Variants in NRXN3 observed in about 807,000 individuals in gnomAD.
NRXN3 encodes the protein neurexin 3, also known as neurexin III.
NRXN3 carries 32 observed loss-of-function variants against 137.6 expected under a neutral mutation model. That is an observed-to-expected ratio of 0.23 (90% CI 0.18 to 0.31). The LOEUF (loss-of-function observed/expected upper bound fraction) is 0.31, where lower values mean the gene tolerates loss of function less well. Ranked by LOEUF, NRXN3 falls within the 10% of genes least tolerant of loss-of-function variation. The pLI, the probability that NRXN3 is intolerant of heterozygous loss-of-function variation, is 1.00. For synonymous variants in NRXN3, 798 were observed against 784.5 expected, an observed-to-expected ratio of 1.02 and a Z score of -0.29; for missense variants, 1,574 against 2,062.5, an observed-to-expected ratio of 0.76 and a Z score of 4.59.
chr14:79,498,717 C>A (rs563627913), intron 16 of NRXN3, among the ~76,000 whole-genome samples: 1 of 152,356 alleles, frequency 6.6e-6, no homozygotes, highest in South Asian at 2.1e-4. Flanking sequence ...TACTCGAAGC[C>A]ACTCGAGTCA....
Position 78,855,607 on chromosome 14 carries a change from A to T in NRXN3, c.2275+45263A>T, listed in dbSNP as rs550486208. Among the ~76,000 whole-genome samples, 7 of 152,336 alleles carry T rather than the reference A, an allele frequency of 4.6e-5. No individual in the cohort carries two copies. The South Asian group carries it at 1.5e-3, about 32-fold the overall frequency. ...AAAAGGAATGATTTTAGCACAAAAA[A>T]AACTAAACCTGTTTTCTATCAAATT... On this transcript the variant is annotated intron_variant, in intron 10 of 20. Transcript: ENST00000335750.
chr14:78,582,128 C>T (rs149977217), intron 4 of NRXN3, among the ~76,000 whole-genome samples: 5 of 152,328 alleles, frequency 3.3e-5, no homozygotes, highest in African/African-American at 1.2e-4. Context: ...TGGGTGAGCT[C>T]ATGGTTTCCT....
At chr14:79,021,857 A>G (rs2099590234) in intron 15 of NRXN3, among the ~76,000 whole-genome samples, 1 of 152,204 alleles carries the variant, frequency 6.6e-6, no homozygotes, top group Non-Finnish European at 1.5e-5. Flanking sequence ...TGGTGGTGAC[A>G]TCATCTGCCA....
intron 8 of NRXN3, among the ~76,000 whole-genome samples, chr14:78,791,126 C>T (rs2098803891): frequency 6.6e-6 from 1 of 152,066 alleles, no homozygotes; most frequent in Admixed American, 6.6e-5. Context: ...TTTTACTTTT[C>T]TTTTTGATTA....
At chr14:78,954,687 G>A (rs1279455303) in intron 10 of NRXN3, among the ~76,000 whole-genome samples, 1 of 151,444 alleles carries the variant, frequency 6.6e-6, no homozygotes, top group Non-Finnish European at 1.5e-5. Context: ...GGATAGTCTC[G>A]ATCTCCTGAC....
intron 15 of NRXN3, among the ~76,000 whole-genome samples, chr14:79,307,834 T>C (rs2086370645): frequency 6.6e-6 from 1 of 152,022 alleles, no homozygotes; most frequent in South Asian, 2.1e-4. Flanking sequence ...CCTGGCAGTC[T>C]TCTTTTGGTC....
intron 17 of NRXN3, among the ~76,000 whole-genome samples, chr14:79,676,423 T>G (rs1213006662): frequency 1.3e-5 from 2 of 152,038 alleles, no homozygotes; most frequent in Non-Finnish European, 2.9e-5. Flanking sequence ...TTTTGCTTTT[T>G]GGATTCCAAA....
At chr14:79,675,319 GATCTT>G (rs1281944225) in intron 17 of NRXN3, among the ~76,000 whole-genome samples, 1 of 152,004 alleles carries the variant, frequency 6.6e-6, no homozygotes, top group African/African-American at 2.4e-5. Context: ...TGATTTGCAT[GATCTT>G]TGTTGCAGTT....
At chr14:78,985,430 A>G (rs1183372239) in intron 14 of NRXN3, among the ~76,000 whole-genome samples, 1 of 152,246 alleles carries the variant, frequency 6.6e-6, no homozygotes, top group African/African-American at 2.4e-5. Flanking sequence ...ATATGCAAAA[A>G]TTAATGACGC....
intron 4 of NRXN3, among the ~76,000 whole-genome samples, chr14:78,512,967 A>G (rs1373020609): frequency 6.6e-6 from 1 of 152,194 alleles, no homozygotes; most frequent in Non-Finnish European, 1.5e-5. Context: ...TTAGAGAAGT[A>G]AGGGCAAGCT....
chr14:79,199,700 G>C (rs2065674503), intron 15 of NRXN3, among the ~76,000 whole-genome samples: 1 of 152,200 alleles, frequency 6.6e-6, no homozygotes, highest in African/African-American at 2.4e-5. Context: ...AGGAAAGTTG[G>C]CCTGGTACTG....
At chr14:78,895,860 A>T (rs1399541621) in intron 10 of NRXN3, among the ~76,000 whole-genome samples, 1 of 151,996 alleles carries the variant, frequency 6.6e-6, no homozygotes, top group East Asian at 1.9e-4. Context: ...CAGTAAGTTG[A>T]GCGGTCAGAA....
chr14:79,335,174 G>A lies in NRXN3; in HGVS notation c.3263-132047G>A, dbSNP rs563794916. The stretch of plus-strand genomic sequence containing the variant: ...TTCTTCTTCAAAATGTTGATTGCAG[G>A]CAGCTACAGGGATGTGCTCTTATGT... On this transcript the variant is annotated intron_variant, in intron 15 of 20. Transcript: ENST00000335750. Among the ~76,000 whole-genome samples, 6 of 152,196 alleles carry A rather than the reference G, an allele frequency of 3.9e-5. 1 individual carries two copies. The South Asian group carries it at 1.0e-3, about 26-fold the overall frequency.
At chr14:79,749,686 C>T (rs1003353797) in intron 19 of NRXN3, among the ~76,000 whole-genome samples, 1 of 152,122 alleles carries the variant, frequency 6.6e-6, no homozygotes, top group African/African-American at 2.4e-5. Context: ...ATCTGGGAAG[C>T]CTTTGTCACC....
At chr14:79,811,874 G>T (rs775284286) in intron 20 of NRXN3, among the ~76,000 whole-genome samples, 1 of 151,942 alleles carries the variant, frequency 6.6e-6, no homozygotes, top group Non-Finnish European at 1.5e-5. Flanking sequence ...GAGCCACCGC[G>T]CCCGGCCAGT....
intron 16 of NRXN3, among the ~76,000 whole-genome samples, chr14:79,538,877 T>C (rs1286281867): frequency 6.6e-6 from 1 of 152,218 alleles, no homozygotes; most frequent in Non-Finnish European, 1.5e-5. Context: ...GCTTATATGC[T>C]TCTCATTCAT....
chr14:79,272,758 G>A (rs1245149033), intron 15 of NRXN3, among the ~76,000 whole-genome samples: 1 of 152,172 alleles, frequency 6.6e-6, no homozygotes, highest in Non-Finnish European at 1.5e-5. Context: ...TTTGGAGTTG[G>A]CTTGGAGGAC....
intron 16 of NRXN3, among the ~76,000 whole-genome samples, chr14:79,542,518 G>T (rs1368345421): frequency 6.6e-6 from 1 of 152,126 alleles, no homozygotes; most frequent in Admixed American, 6.6e-5. Context: ...TAACTGCAAA[G>T]TTCCTTGTCT....
intron 20 of NRXN3, among the ~76,000 whole-genome samples, chr14:79,854,946 A>G (rs2099399417): frequency 6.6e-6 from 1 of 152,176 alleles, no homozygotes; most frequent in African/African-American, 2.4e-5. Context: ...TATGATACTG[A>G]CGCCTTCCAG....
Sources: gnomAD v4.1 joint callset for allele counts (sites outside exome capture counted in the v4.1 genomes callset) on GRCh38, gnomAD v4.1.1 for gene constraint, MANE v1.5 for transcripts, NCBI Gene and HGNC (gene_info 2026-07-23, HGNC 2026-07-21) for gene names.